Variants in GRIK3 observed in about 807,000 individuals in gnomAD.
The protein encoded by GRIK3 is glutamate receptor ionotropic, kainate 3.
In GRIK3, 29 loss-of-function variants were observed where a neutral mutation model predicts 102.5. The observed-to-expected ratio is 0.28, with a 90% CI of 0.21 to 0.39. GRIK3 has a LOEUF of 0.39. Among genes scored for constraint, GRIK3 ranks in the 10% least tolerant of loss-of-function variants. The pLI is 1.00. For missense variants in GRIK3, 908 were observed against 1,252.4 expected (o/e 0.73, Z 4.15); for synonymous variants, 511 against 504.9 (o/e 1.01, Z -0.16).
chr1:37,009,538 A>G (rs1346666573), intron 1 of GRIK3, among the ~76,000 whole-genome samples: 6 of 152,154 alleles, frequency 3.9e-5, no homozygotes, highest in Admixed American at 3.3e-4. Flanking sequence ...CTCCCTTTTC[A>G]TTTAAAAAAA....
chr1:36,834,578 G>A (rs1449798047), intron 10 of GRIK3, among the ~76,000 whole-genome samples: 1 of 152,172 alleles, frequency 6.6e-6, no homozygotes, highest in Non-Finnish European at 1.5e-5. Flanking sequence ...CAGTGAGAAA[G>A]GATGGGTGTG....
chr1:36,914,734 C>T (rs1399100791), intron 1 of GRIK3, among the ~76,000 whole-genome samples: 3 of 152,218 alleles, frequency 2.0e-5, no homozygotes, highest in Non-Finnish European at 4.4e-5. Context: ...ACGGGCCCCA[C>T]CAAATGATGG....
rs199882166 is a variant in GRIK3 at position 37,014,834 on chromosome 1, C to CTCTTTTCTTTTCTTTTCTTTTCTTT, written c.115+19159_115+19160insAAAGAAAAGAAAAGAAAAGAAAAGA. Among the ~76,000 whole-genome samples, 747 of 147,562 alleles carry CTCTTTTCTTTTCTTTTCTTTTCTTT rather than the reference C, an allele frequency of 5.1e-3. 13 individuals carry two copies. Among genetic ancestry groups the CTCTTTTCTTTTCTTTTCTTTTCTTT allele is most frequent in the East Asian group, 0.021 (105 of 4,966 alleles). On this transcript the variant is annotated intron_variant, in intron 1 of 15. Coordinates refer to ENST00000373091, the MANE Select transcript of GRIK3 (RefSeq NM_000831.4). ...AACAGAACCCATTTAGCCATTTAGC[C>CTCTTTTCTTTTCTTTTCTTTTCTTT]TCTTTTCTTATCTTTTCTTTTCTTT...
intron 3 of GRIK3, among the ~76,000 whole-genome samples, chr1:36,878,379 A>G (rs921386735): frequency 6.6e-6 from 1 of 152,196 alleles, no homozygotes; most frequent in Non-Finnish European, 1.5e-5. Flanking sequence ...AATAGCAGGA[A>G]CTCAATAGAT....
intron 1 of GRIK3, among the ~76,000 whole-genome samples, chr1:36,957,439 T>C (rs77794083): frequency 0.072 from 727 of 10,086 alleles, 9 homozygotes; most frequent in Non-Finnish European, 0.09. Flanking sequence ...CTCTGTGCTC[T>C]GTGAGTCTGT....
chr1:36,895,901 T>C (rs762930137), intron 1 of GRIK3, among the ~76,000 whole-genome samples: 2 of 152,150 alleles, frequency 1.3e-5, no homozygotes, highest in African/African-American at 4.8e-5. Flanking sequence ...ATCTTATCTA[T>C]GGAGGAAAAA....
intron 2 of GRIK3, among the ~76,000 whole-genome samples, chr1:36,886,739 T>C (rs1641041682): frequency 6.6e-6 from 1 of 152,246 alleles, no homozygotes; most frequent in Admixed American, 6.5e-5. Flanking sequence ...TCATACGTCA[T>C]GCACTCATGT....
intron 1 of GRIK3, among the ~76,000 whole-genome samples, chr1:36,937,362 C>CA (rs1412600198): frequency 3.3e-5 from 5 of 152,168 alleles, no homozygotes; most frequent in African/African-American, 1.2e-4. Flanking sequence ...AGGGAGAAGG[C>CA]AATCTCTTGT....
At chr1:36,884,232 A>G (rs1035251466) in intron 2 of GRIK3, among the ~76,000 whole-genome samples, 1 of 152,214 alleles carries the variant, frequency 6.6e-6, no homozygotes, top group African/African-American at 2.4e-5. Context: ...CCTTTGAGTC[A>G]ACATGCCTTG....
At chr1:36,947,490 C>T (rs1284515730) in intron 1 of GRIK3, among the ~76,000 whole-genome samples, 1 of 152,274 alleles carries the variant, frequency 6.6e-6, no homozygotes, top group Middle Eastern at 3.4e-3. Flanking sequence ...AAATTCTTTA[C>T]CCTAGAATTC....
chr1:36,981,574 C>T (rs371090597), intron 1 of GRIK3, among the ~76,000 whole-genome samples: 1 of 151,908 alleles, frequency 6.6e-6, no homozygotes, highest in Admixed American at 6.6e-5. Flanking sequence ...TTGTCTACAG[C>T]ACATAGCCTG....
chr1:37,023,695 G>T (rs982437114), intron 1 of GRIK3, among the ~76,000 whole-genome samples: 1 of 152,224 alleles, frequency 6.6e-6, no homozygotes, highest in African/African-American at 2.4e-5. Flanking sequence ...ATGGCAGGAA[G>T]CATGCGAGAC....
intron 1 of GRIK3, among the ~76,000 whole-genome samples, chr1:36,980,863 T>G (rs969159718): frequency 1.3e-5 from 2 of 152,186 alleles, no homozygotes; most frequent in Non-Finnish European, 1.5e-5. Context: ...GTGAGAGAAC[T>G]GCCTTGCCCT....
intron 1 of GRIK3, among the ~76,000 whole-genome samples, chr1:36,904,450 C>T (rs114994294): frequency 6.0e-4 from 91 of 152,124 alleles, no homozygotes; most frequent in Non-Finnish European, 1.1e-3. Flanking sequence ...GAAAAGCCAT[C>T]GTGATTGTGT....
At chr1:36,926,891 A>G (rs1049861610) in intron 1 of GRIK3, among the ~76,000 whole-genome samples, 2 of 152,158 alleles carry the variant, frequency 1.3e-5, no homozygotes, top group African/African-American at 4.8e-5. Context: ...TCTCCTGGGG[A>G]ATTTGCATGA....
chr1:36,899,395 A>G (rs1641208325), intron 1 of GRIK3, among the ~76,000 whole-genome samples: 1 of 152,230 alleles, frequency 6.6e-6, no homozygotes, highest in Admixed American at 6.5e-5. Context: ...TGAGGACAGT[A>G]GGCTAAGTGA....
At chr1:36,919,725 A>T (rs1641445770) in intron 1 of GRIK3, among the ~76,000 whole-genome samples, 1 of 152,322 alleles carries the variant, frequency 6.6e-6, no homozygotes, top group East Asian at 1.9e-4. Flanking sequence ...ACACATGGTG[A>T]TGGCACCTCC....
intron 1 of GRIK3, among the ~76,000 whole-genome samples, chr1:36,972,019 C>T (rs1642148107): frequency 6.6e-6 from 1 of 152,234 alleles, no homozygotes; most frequent in South Asian, 2.1e-4. Context: ...AATTATTAAA[C>T]TTCTCTGAAT....
intron 1 of GRIK3, among the ~76,000 whole-genome samples, chr1:36,988,503 C>T (rs765719327): frequency 7.2e-5 from 11 of 152,302 alleles, no homozygotes; most frequent in East Asian, 1.9e-4. Flanking sequence ...CCGTGGCCGC[C>T]GGCCAGATGG....
Sources: gnomAD v4.1 joint callset for allele counts (sites outside exome capture counted in the v4.1 genomes callset) on GRCh38, gnomAD v4.1.1 for gene constraint, MANE v1.5 for transcripts, NCBI Gene and HGNC (gene_info 2026-07-23, HGNC 2026-07-21) for gene names.